The following CRTC3 variants were observed in gnomAD, a reference collection of about 807,000 sequenced individuals.
CRTC3 encodes CREB regulated transcription coactivator 3.
Under a neutral mutation model 74.5 loss-of-function variants are expected in CRTC3, and 26 were observed. The ratio of observed to expected loss-of-function variants is 0.35; its 90% CI spans 0.26 to 0.48. The LOEUF (loss-of-function observed/expected upper bound fraction) is 0.48. Among genes scored for constraint, CRTC3 ranks in the 20% least tolerant of loss-of-function variants. CRTC3 has a pLI of 0.99. For missense variants in CRTC3, 760 were observed against 787.3 expected (o/e 0.97, Z 0.41); for synonymous variants, 377 against 325.8 (o/e 1.16, Z -1.69).
At chr15:90,617,121 C>G (rs1422874478) in intron 7 of CRTC3, among the ~76,000 whole-genome samples, 2 of 152,150 alleles carry the variant, frequency 1.3e-5, no homozygotes, top group African/African-American at 4.8e-5. Context: ...AGTTGCTCCA[C>G]TCTTACCTTC....
intron 2 of CRTC3, among the ~76,000 whole-genome samples, chr15:90,578,119 G>T (rs1354637377): frequency 1.8e-4 from 27 of 151,452 alleles, no homozygotes; most frequent in Admixed American, 1.8e-3. Flanking sequence ...GTTTCACCAT[G>T]CTGGTCAAGC....
chr15:90,579,022 G>T (rs1193736980), intron 2 of CRTC3, among the ~76,000 whole-genome samples: 3 of 151,902 alleles, frequency 2.0e-5, no homozygotes, highest in Admixed American at 6.6e-5. Flanking sequence ...CTGAGGGTTG[G>T]TTTTGCATAT....
chr15:90,569,410 C>G (rs1241556955), intron 2 of CRTC3, among the ~76,000 whole-genome samples: 1 of 148,088 alleles, frequency 6.8e-6, no homozygotes, highest in Non-Finnish European at 1.5e-5. Flanking sequence ...GCCTCTGCCT[C>G]CCTGGTTCAA....
rs532537307 is a variant in CRTC3 at position 90,638,834 on chromosome 15, C to G, written c.1548+19C>G. On this transcript the variant is annotated intron_variant, in intron 13 of 14. Transcript: ENST00000268184. ...TCAACAGGTGGGTGATCGCCCCTGCCTTCTCCTCCCTTGGTGCATAAACTG... is the reference window on the plus strand; with the variant it reads ...TCAACAGGTGGGTGATCGCCCCTGCGTTCTCCTCCCTTGGTGCATAAACTG... The G allele has an allele frequency of 6.3e-7, 1 of 1,594,504 alleles. No homozygotes were observed. Among genetic ancestry groups the G allele is most frequent in the Non-Finnish European group, 8.6e-7 (1 of 1,162,300 alleles).
intron 1 of CRTC3, among the ~76,000 whole-genome samples, chr15:90,536,839 G>C (rs981460164): frequency 1.3e-5 from 2 of 152,184 alleles, no homozygotes; most frequent in Non-Finnish European, 2.9e-5. Flanking sequence ...TGGCAAACAC[G>C]ATCTAAGGGG....
chr15:90,534,605 T>C (rs962220094), intron 1 of CRTC3, among the ~76,000 whole-genome samples: 1 of 152,062 alleles, frequency 6.6e-6, no homozygotes, highest in East Asian at 1.9e-4. Context: ...CAATGAATAT[T>C]GGGATTTTAT....
intron 2 of CRTC3, among the ~76,000 whole-genome samples, chr15:90,575,944 A>G (rs894754108): frequency 6.6e-6 from 1 of 152,196 alleles, no homozygotes; most frequent in African/African-American, 2.4e-5. Flanking sequence ...AGCTAAGGAT[A>G]TGATCAGATT....
At chr15:90,610,416 G>C (rs1968329881) in intron 6 of CRTC3, among the ~76,000 whole-genome samples, 1 of 152,294 alleles carries the variant, frequency 6.6e-6, no homozygotes. Flanking sequence ...GAGAGCATCT[G>C]CTCACGGCTT....
Position 90,535,149 on chromosome 15 carries a change from G to A in CRTC3, c.133-4890G>A, listed in dbSNP as rs1966696815. Among the ~76,000 whole-genome samples, 3 of 129,450 alleles carry A rather than the reference G, an allele frequency of 2.3e-5. No individual in the cohort carries two copies. In the South Asian group the frequency reaches 7.7e-4, roughly 33 times the overall value. 84.9% of individuals were successfully genotyped at this position (129,450 alleles called of 152,430 possible). On this transcript the variant is annotated intron_variant, in intron 1 of 14. Transcript: ENST00000268184. ...GCACTCCAACCTGGGCAACAAGAGC[G>A]AAACTCCGTCTCAAAAAAAAAAAAA...
intron 1 of CRTC3, among the ~76,000 whole-genome samples, chr15:90,534,767 A>G (rs1041730644): frequency 6.6e-6 from 1 of 152,268 alleles, no homozygotes; most frequent in Non-Finnish European, 1.5e-5. Flanking sequence ...CACAGTCCCT[A>G]CCACCCTCTA....
chr15:90,593,803 A>T, intron 3 of CRTC3, 48 bp downstream of exon 3: 1 of 1,547,718 alleles, frequency 6.5e-7, no homozygotes, highest in Non-Finnish European at 8.8e-7. Context: ...GAAATGTTTG[A>T]AAAGTTTTCA....
intron 3 of CRTC3, 98 bp from the exon 4 acceptor site, chr15:90,602,226 A>T: frequency 1.4e-6 from 1 of 728,190 alleles, no homozygotes; most frequent in Non-Finnish European, 2.4e-6. Context: ...AGGGATAAGG[A>T]ACCAAAAACT....
intron 2 of CRTC3, among the ~76,000 whole-genome samples, chr15:90,567,810 C>T (rs1405901570): frequency 6.6e-6 from 1 of 152,202 alleles, no homozygotes; most frequent in Non-Finnish European, 1.5e-5. Context: ...AACACAACAT[C>T]TGTTCTGCAG....
intron 2 of CRTC3, among the ~76,000 whole-genome samples, chr15:90,550,245 A>G (rs995343269): frequency 4.0e-5 from 6 of 151,582 alleles, no homozygotes; most frequent in Non-Finnish European, 8.8e-5. Context: ...CCTGACCAAC[A>G]TGGAGAAACC....
At chr15:90,614,426 CTTT>C in intron 6 of CRTC3, 24 bp from the exon 7 acceptor site, 1 of 1,567,596 alleles carries the variant, frequency 6.4e-7, no homozygotes, top group Non-Finnish European at 8.8e-7. Context: ...AAAGTGTTTT[CTTT>C]TTTTCTTTTT....
Position 90,645,328 on chromosome 15 carries a change from A to C in CRTC3, c.*3188A>C. The C allele has an allele frequency of 4.9e-6, 1 of 203,080 alleles. No homozygotes were observed. Among genetic ancestry groups the C allele is most frequent in the Non-Finnish European group, 1.0e-5 (1 of 98,860 alleles). The allele number at this position is 203,080 out of a possible 1,614,324, so 12.6% of individuals were successfully genotyped here. A position where few individuals can be genotyped will look rare whatever the true frequency, so the allele number is the denominator to read the frequency against. ...CATCTTTTGTAATTAAAAGCATCAC[A>C]ATGAGGTTGTCTCTGCATTTGGTGG... On this transcript the variant is annotated 3_prime_UTR_variant, in exon 15 of 15. Coordinates refer to ENST00000268184, the MANE Select transcript of CRTC3 (RefSeq NM_022769.5).
chr15:90,641,368 C>A, intron 14 of CRTC3, 169 bp downstream of exon 14: 1 of 599,966 alleles, frequency 1.7e-6, no homozygotes, highest in Non-Finnish European at 3.0e-6. Flanking sequence ...GACCGTGACA[C>A]AGGGCGGTGG....
chr15:90,581,633 A>C (rs1967543638), intron 2 of CRTC3, among the ~76,000 whole-genome samples: 2 of 152,222 alleles, frequency 1.3e-5, no homozygotes, highest in African/African-American at 4.8e-5. Flanking sequence ...TGTTATTTGG[A>C]AATGTAAAAT....
chr15:90,531,666 G>A (rs1207131821), intron 1 of CRTC3, among the ~76,000 whole-genome samples: 1 of 152,168 alleles, frequency 6.6e-6, no homozygotes, highest in African/African-American at 2.4e-5. Flanking sequence ...ACCTTGGTTA[G>A]ATTCAGAGAT....
Sources: gnomAD v4.1 joint callset for allele counts (sites outside exome capture counted in the v4.1 genomes callset) on GRCh38, gnomAD v4.1.1 for gene constraint, MANE v1.5 for transcripts, NCBI Gene and HGNC (gene_info 2026-07-23, HGNC 2026-07-21) for gene names.